MYRIP: variants seen among roughly 807,000 people sequenced by gnomAD.
MYRIP encodes the protein myosin VIIA and Rab interacting protein.
Under a neutral mutation model 98.0 loss-of-function variants are expected in MYRIP, and 49 were observed. The observed-to-expected ratio is 0.50, with a 90% CI of 0.40 to 0.63. The LOEUF (loss-of-function observed/expected upper bound fraction) is 0.63, where lower values mean the gene tolerates loss of function less well. Among genes scored for constraint, MYRIP ranks in the 30% least tolerant of loss-of-function variants. The pLI, the probability that MYRIP is intolerant of heterozygous loss-of-function variation, is 0.00. For synonymous variants in MYRIP, 404 were observed against 409.5 expected (o/e 0.99, Z 0.16); for missense variants, 1,004 against 1,058.2 (o/e 0.95, Z 0.71).
intron 2 of MYRIP, among the ~76,000 whole-genome samples, chr3:39,935,158 C>T (rs1447449184): frequency 1.3e-5 from 2 of 152,134 alleles, no homozygotes; most frequent in Non-Finnish European, 2.9e-5. Context: ...ACGGACTGCA[C>T]TATTGGTTTA....
intron 1 of MYRIP, among the ~76,000 whole-genome samples, chr3:39,874,312 C>A (rs550085640): frequency 2.2e-4 from 33 of 152,040 alleles, no homozygotes; most frequent in African/African-American, 7.7e-4. Flanking sequence ...TTCCTCTTTT[C>A]CTAATTGAAT....
Position 40,101,808 on chromosome 3 carries a change from T to C in MYRIP, c.333-49240T>C, listed in dbSNP as rs187581163. ...CCTTCAACTTTCTTTATTGTGTTTG[T>C]TTTGGTATTTATCTTTAACGATAGC... On this transcript the variant is annotated intron_variant, in intron 3 of 16. Transcript: ENST00000302541. Among the ~76,000 whole-genome samples the C allele has an allele frequency of 1.2e-4, 19 of 152,324 alleles. No individual in the cohort carries two copies. In the East Asian group the frequency reaches 3.7e-3, roughly 29 times the overall value.
intron 10 of MYRIP, among the ~76,000 whole-genome samples, chr3:40,204,430 C>A (rs1400644773): frequency 1.3e-5 from 2 of 150,322 alleles, no homozygotes; most frequent in East Asian, 3.9e-4. Flanking sequence ...GATCCACCCG[C>A]CTCAGCCTCC....
chr3:40,042,391 G>A (rs985471137), intron 2 of MYRIP, among the ~76,000 whole-genome samples: 1 of 150,030 alleles, frequency 6.7e-6, no homozygotes, highest in Non-Finnish European at 1.5e-5. Context: ...TCTCAAGCAA[G>A]ACATAAAGTC....
intron 8 of MYRIP, among the ~76,000 whole-genome samples, chr3:40,180,882 TA>T: frequency 6.6e-6 from 1 of 152,148 alleles, no homozygotes; most frequent in Non-Finnish European, 1.5e-5. Flanking sequence ...AGACGCCCTG[TA>T]TGTGAGGGGT....
intron 2 of MYRIP, among the ~76,000 whole-genome samples, chr3:39,977,931 G>A (rs948724283): frequency 8.6e-5 from 13 of 152,026 alleles, no homozygotes; most frequent in Admixed American, 1.3e-4. Flanking sequence ...AATGTCTGTG[G>A]AGCCCCTATT....
At chr3:40,121,496 T>A (rs1006837447) in intron 3 of MYRIP, among the ~76,000 whole-genome samples, 1 of 152,002 alleles carries the variant, frequency 6.6e-6, no homozygotes, top group Non-Finnish European at 1.5e-5. Flanking sequence ...CCAAGAACAA[T>A]CTGGGCACTG....
At chr3:40,133,138 GTC>G (rs762629668) in intron 3 of MYRIP, among the ~76,000 whole-genome samples, 8 of 152,246 alleles carry the variant, frequency 5.3e-5, no homozygotes, top group Non-Finnish European at 1.0e-4. Flanking sequence ...AGAACACAAA[GTC>G]TACATAAACA....
intron 3 of MYRIP, among the ~76,000 whole-genome samples, chr3:40,122,804 G>A (rs1949432186): frequency 6.6e-6 from 1 of 151,948 alleles, no homozygotes; most frequent in Non-Finnish European, 1.5e-5. Context: ...AATGTGGCAG[G>A]CCCTATGCTT....
chr3:40,177,877 C>G (rs1016014460), intron 8 of MYRIP, among the ~76,000 whole-genome samples: 2 of 152,116 alleles, frequency 1.3e-5, no homozygotes, highest in African/African-American at 4.8e-5. Context: ...TGTCTTTTGT[C>G]CCTTCCTATT....
At chr3:39,909,166 G>T (rs1430969126) in intron 2 of MYRIP, among the ~76,000 whole-genome samples, 1 of 152,142 alleles carries the variant, frequency 6.6e-6, no homozygotes, top group Non-Finnish European at 1.5e-5. Flanking sequence ...AGACAGAACT[G>T]GGAGACCTGG....
At chr3:40,169,151 G>T (rs1950559174) in intron 7 of MYRIP, among the ~76,000 whole-genome samples, 2 of 152,202 alleles carry the variant, frequency 1.3e-5, no homozygotes, top group African/African-American at 4.8e-5. Context: ...CTGCAGAGGG[G>T]AAGAATGGGA....
At chr3:40,115,882 G>A (rs185504665) in intron 3 of MYRIP, among the ~76,000 whole-genome samples, 9 of 151,432 alleles carry the variant, frequency 5.9e-5, no homozygotes, top group Non-Finnish European at 1.2e-4. Flanking sequence ...GTGGGCTTCC[G>A]TAAGAGATCA....
intron 1 of MYRIP, among the ~76,000 whole-genome samples, chr3:39,878,479 G>T (rs1421673700): frequency 6.6e-6 from 1 of 152,014 alleles, no homozygotes; most frequent in Non-Finnish European, 1.5e-5. Flanking sequence ...TTCCTATTCG[G>T]CCATCTTAGG....
At chr3:39,880,461 T>C (rs1478897167) in intron 1 of MYRIP, among the ~76,000 whole-genome samples, 1 of 152,262 alleles carries the variant, frequency 6.6e-6, no homozygotes, top group Non-Finnish European at 1.5e-5. Flanking sequence ...TTCTCAAATT[T>C]ATTCAGCCAT....
intron 4 of MYRIP, among the ~76,000 whole-genome samples, chr3:40,151,523 C>T (rs1463128553): frequency 2.0e-5 from 3 of 152,166 alleles, no homozygotes; most frequent in Non-Finnish European, 4.4e-5. Context: ...GTCATTTGCC[C>T]TTGGCTACAG....
In MYRIP at chr3:40,134,642, C is replaced by T. The variant is rs546238421; in HGVS notation, c.333-16406C>T. On this transcript the variant is annotated intron_variant, in intron 3 of 16. Transcript: ENST00000302541. ...ACTGGGAGGCACACCCCAGTAGGGG[C>T]GGACTGATGCCTCACACAGCCGGGT... is the stretch of plus-strand genomic sequence containing the variant. 1.3e-3 allele frequency among the ~76,000 whole-genome samples: 193 copies of T among 152,326 alleles called. 2 individuals carry two copies. Among genetic ancestry groups the T allele is most frequent in the African/African-American group, 4.1e-3 (169 of 41,574 alleles).
intron 2 of MYRIP, among the ~76,000 whole-genome samples, chr3:39,993,054 C>G (rs1946220693): frequency 2.0e-5 from 3 of 152,108 alleles, no homozygotes; most frequent in Admixed American, 2.0e-4. Context: ...TTATAATGAA[C>G]AGATATTTAT....
intron 3 of MYRIP, among the ~76,000 whole-genome samples, chr3:40,114,251 T>C (rs1949226932): frequency 6.6e-6 from 1 of 152,198 alleles, no homozygotes. Flanking sequence ...ATACTTACAT[T>C]ATGTACAGTT....
Sources: gnomAD v4.1 joint callset for allele counts (sites outside exome capture counted in the v4.1 genomes callset) on GRCh38, gnomAD v4.1.1 for gene constraint, MANE v1.5 for transcripts, NCBI Gene and HGNC (gene_info 2026-07-23, HGNC 2026-07-21) for gene names.